The following CARMIL1 variants were observed in gnomAD, a reference collection of about 807,000 sequenced individuals.
The protein encoded by CARMIL1 is capping protein regulator and myosin 1 linker 1.
CARMIL1 carries 90 observed loss-of-function variants against 177.1 expected under a neutral mutation model. That is an observed-to-expected ratio of 0.51 (90% CI 0.43 to 0.61). The LOEUF is 0.61. CARMIL1 is among the 20% of genes least tolerant of loss of function. The pLI is 0.00. For missense variants in CARMIL1, 1,380 were observed against 1,667.0 expected, an observed-to-expected ratio of 0.83 and a Z score of 3.00; for synonymous variants, 577 against 606.2, an observed-to-expected ratio of 0.95 and a Z score of 0.71.
chr6:25,570,210 C>T (rs1456815554), intron 29 of CARMIL1, among the ~76,000 whole-genome samples: 5 of 152,140 alleles, frequency 3.3e-5, no homozygotes, highest in Admixed American at 6.5e-5. Flanking sequence ...GTGATCTGCC[C>T]GCCTCGGCCT....
intron 2 of CARMIL1, among the ~76,000 whole-genome samples, chr6:25,394,953 C>T (rs550919249): frequency 3.7e-4 from 56 of 152,194 alleles, no homozygotes; most frequent in African/African-American, 1.2e-3. Context: ...AAATATATTC[C>T]GATTAATGGT....
At chr6:25,581,066 G>A in intron 30 of CARMIL1, 76 bp downstream of exon 30, 1 of 1,449,400 alleles carries the variant, frequency 6.9e-7, no homozygotes, top group Non-Finnish European at 9.5e-7. Context: ...CCATTTTAGG[G>A]ATGTTCCTTA....
intron 2 of CARMIL1, among the ~76,000 whole-genome samples, chr6:25,348,130 A>G (rs1461812935): frequency 8.5e-5 from 13 of 152,084 alleles, no homozygotes; most frequent in Non-Finnish European, 1.2e-4. Context: ...CTATACAAAC[A>G]CTTAAAGCAC....
At chr6:25,295,171 G>GAA (rs201127303) in intron 2 of CARMIL1, among the ~76,000 whole-genome samples, 51 of 151,472 alleles carry the variant, frequency 3.4e-4, no homozygotes, top group Admixed American at 2.9e-3. Context: ...ATAATCATTG[G>GAA]AAAAAAAATC....
chr6:25,431,888 G>A (rs937249009), intron 4 of CARMIL1, among the ~76,000 whole-genome samples: 6 of 152,160 alleles, frequency 3.9e-5, no homozygotes, highest in Non-Finnish European at 7.4e-5. Context: ...ATGGACCTTT[G>A]AGATGAAATT....
At chr6:25,365,259 A>G (rs1461039300) in intron 2 of CARMIL1, among the ~76,000 whole-genome samples, 2 of 152,150 alleles carry the variant, frequency 1.3e-5, no homozygotes, top group African/African-American at 4.8e-5. Flanking sequence ...TGTAGTATAG[A>G]GAATAAAGGT....
At chr6:25,294,743 A>G (rs1782261193) in intron 2 of CARMIL1, among the ~76,000 whole-genome samples, 1 of 152,236 alleles carries the variant, frequency 6.6e-6, no homozygotes, top group Non-Finnish European at 1.5e-5. Flanking sequence ...AGTCCTTGGA[A>G]GATGTTGTTT....
chr6:25,404,253 G>A (rs1794152061), intron 2 of CARMIL1, among the ~76,000 whole-genome samples: 1 of 152,214 alleles, frequency 6.6e-6, no homozygotes, highest in African/African-American at 2.4e-5. Context: ...TTCTGAGAGA[G>A]GGAAGTTGGG....
intron 2 of CARMIL1, among the ~76,000 whole-genome samples, chr6:25,340,934 C>G (rs187659591): frequency 6.6e-6 from 1 of 151,894 alleles, no homozygotes; most frequent in African/African-American, 2.4e-5. Flanking sequence ...GGGTAAGTAC[C>G]AAAAGGAAGG....
chr6:25,542,252 C>A (rs1176370927), intron 26 of CARMIL1, among the ~76,000 whole-genome samples: 2 of 152,144 alleles, frequency 1.3e-5, no homozygotes, highest in Admixed American at 1.3e-4. Flanking sequence ...CTTCTCATTG[C>A]ATGGAATTGT....
At position 25,556,757 on chromosome 6, in the gene CARMIL1, C is replaced by T. The variant is rs761629624; in HGVS notation, c.2649C>T (p.Ile883=). Residue 883 remains isoleucine, a synonymous_variant, in exon 29 of 37, where the codon ATC becomes ATT. Transcript: ENST00000329474. ...KTLPQQESLE[I]ELAEEKPVKR... ...TTCCTCAACAAGAATCCTTAGAGAT[C>T]GAGCTGGCTGAGGAGAAGCCAGTTA... The T allele has an allele frequency of 3.1e-6, 5 of 1,613,438 alleles. No homozygotes were observed. The highest frequency in any genetic ancestry group is 2.7e-5 in the African/African-American group (2 of 74,874).
chr6:25,541,761 C>T (rs944328258), intron 26 of CARMIL1, among the ~76,000 whole-genome samples: 5 of 152,182 alleles, frequency 3.3e-5, no homozygotes, highest in African/African-American at 4.8e-5. Context: ...TCAAGCTATT[C>T]TCCTGTGTCA....
intron 2 of CARMIL1, among the ~76,000 whole-genome samples, chr6:25,398,598 A>C (rs569180812): frequency 1.3e-5 from 2 of 152,234 alleles, no homozygotes; most frequent in Non-Finnish European, 2.9e-5. Flanking sequence ...CAGACGACAC[A>C]GGCTAGCTAT....
intron 35 of CARMIL1, among the ~76,000 whole-genome samples, chr6:25,607,537 G>A (rs966974847): frequency 3.3e-5 from 5 of 152,126 alleles, no homozygotes; most frequent in African/African-American, 9.7e-5. Flanking sequence ...CTGTGTAGCC[G>A]CCAGATGTTC....
chr6:25,520,633 T>A (rs539646149), intron 23 of CARMIL1, among the ~76,000 whole-genome samples: 48 of 152,070 alleles, frequency 3.2e-4, no homozygotes, highest in Non-Finnish European at 6.5e-4. Context: ...GGGGGAGAAA[T>A]GTGTGGAACT....
chr6:25,336,589 G>A lies in CARMIL1; in HGVS notation c.138+51680G>A, dbSNP rs372076521. On this transcript the variant is annotated intron_variant, in intron 2 of 36. Transcript: ENST00000329474. Reference sequence around the variant, plus strand: ...TTTAGGGTTAAATGACTTAATGGATGTAAATCATTCATGAAAGTGCACATA... The same window carrying A: ...TTTAGGGTTAAATGACTTAATGGATATAAATCATTCATGAAAGTGCACATA... Among the ~76,000 whole-genome samples the A allele has an allele frequency of 3.3e-5, 5 of 152,266 alleles. No homozygotes were observed. In the East Asian group the frequency reaches 7.7e-4, roughly 23 times the overall value.
At position 25,437,121 on chromosome 6, in the gene CARMIL1, A is replaced by G. The variant is rs368503255; in HGVS notation, c.371+1517A>G. Among the ~76,000 whole-genome samples, 3 of 152,146 alleles carry G rather than the reference A, an allele frequency of 2.0e-5. No homozygotes were observed. In the East Asian group the frequency reaches 5.8e-4, roughly 29 times the overall value. On this transcript the variant is annotated intron_variant, in intron 5 of 36. Coordinates refer to ENST00000329474, the MANE Select transcript of CARMIL1 (RefSeq NM_017640.6). ...TAATCATGAGTTAACAATAGCTACA[A>G]CCCATCTTCCTTAAACTACATTTCA...
intron 11 of CARMIL1, 101 bp downstream of exon 11, chr6:25,472,622 T>C (rs1801189305): frequency 3.3e-6 from 3 of 911,150 alleles, no homozygotes; most frequent in African/African-American, 1.7e-5. Context: ...TAAGTTGTAA[T>C]TATAAGTGCT....
chr6:25,565,295 T>A (rs1021462921), intron 29 of CARMIL1, among the ~76,000 whole-genome samples: 2 of 152,226 alleles, frequency 1.3e-5, no homozygotes, highest in Non-Finnish European at 2.9e-5. Flanking sequence ...GTGAGGAAGC[T>A]GTAAGATGGG....
Sources: allele counts gnomAD v4.1 joint callset (sites outside exome capture counted in the v4.1 genomes callset), GRCh38; gene constraint gnomAD v4.1.1; transcripts MANE v1.5; gene names NCBI Gene and HGNC (gene_info 2026-07-23, HGNC 2026-07-21).